The following TUSC3 variants were observed in gnomAD, a reference collection of about 807,000 sequenced individuals.
TUSC3 encodes the protein tumor suppressor candidate 3, also known as dolichyl-diphosphooligosaccharide--protein glycosyltransferase subunit TUSC3.
A neutral mutation model predicts 44.8 loss-of-function variants in TUSC3; 45 were observed. The ratio of observed to expected loss-of-function variants is 1.00; its 90% CI spans 0.79 to 1.29. TUSC3 has a LOEUF of 1.29. Ranked by LOEUF, TUSC3 falls within the 50% of genes most tolerant of loss-of-function variation. The probability of loss-of-function intolerance (pLI) is 0.00; values close to 1 mark genes in which losing one functional copy is unlikely to be tolerated. For missense variants in TUSC3, 519 were observed against 437.9 expected (o/e 1.19, Z -1.65); for synonymous variants, 212 against 152.9 (o/e 1.39, Z -2.85).
At chr8:15,718,080 C>T (rs1810133029) in intron 6 of TUSC3, among the ~76,000 whole-genome samples, 1 of 151,882 alleles carries the variant, frequency 6.6e-6, no homozygotes. Context: ...ACATAGATTG[C>T]CAAGGGTTTT....
chr8:15,613,109 G>A (rs1260555965), intron 1 of TUSC3, among the ~76,000 whole-genome samples: 1 of 149,234 alleles, frequency 6.7e-6, no homozygotes, highest in Admixed American at 6.7e-5. Flanking sequence ...ATGTGTTTGT[G>A]TGTGTGTACA....
the TUSC3 span, among the ~76,000 whole-genome samples, chr8:15,789,012 C>T: frequency 7.5e-4 from 114 of 152,328 alleles, no homozygotes; most frequent in East Asian, 0.014. Flanking sequence ...AATTCTTACC[C>T]TCAGGCTTAG....
intron 1 of TUSC3, among the ~76,000 whole-genome samples, chr8:15,615,499 GTTAT>G: frequency 6.6e-6 from 1 of 152,128 alleles, no homozygotes; most frequent in East Asian, 1.9e-4. Flanking sequence ...ATAGGAAGAG[GTTAT>G]TTAGCCACAA....
At chr8:15,705,576 C>G (rs951871534) in intron 6 of TUSC3, among the ~76,000 whole-genome samples, 10 of 152,050 alleles carry the variant, frequency 6.6e-5, no homozygotes, top group African/African-American at 1.9e-4. Context: ...TGATTCTTCA[C>G]AAAGCGCTGA....
intron 2 of TUSC3, among the ~76,000 whole-genome samples, chr8:15,516,378 AC>A (rs1801215754): frequency 6.6e-6 from 1 of 152,286 alleles, no homozygotes; most frequent in Non-Finnish European, 1.5e-5. Context: ...CTTCTTGCAG[AC>A]CACTTCTCAT....
At chr8:15,583,902 A>C (rs1803485597) in intron 1 of TUSC3, among the ~76,000 whole-genome samples, 2 of 152,190 alleles carry the variant, frequency 1.3e-5, no homozygotes, top group Non-Finnish European at 2.9e-5. Context: ...TTGGAAGGAA[A>C]AATCAGGAAA....
At chr8:15,845,778 G>A in the TUSC3 span, among the ~76,000 whole-genome samples, 2 of 152,144 alleles carry the variant, frequency 1.3e-5, no homozygotes, top group Non-Finnish European at 1.5e-5. Flanking sequence ...CTATAGCTAC[G>A]TGTATGTTCA....
At chr8:15,631,815 C>G (rs957557891) in intron 2 of TUSC3, among the ~76,000 whole-genome samples, 5 of 151,998 alleles carry the variant, frequency 3.3e-5, no homozygotes, top group African/African-American at 1.2e-4. Flanking sequence ...AAGCGATTCT[C>G]CTGCCTCAGC....
At chr8:15,536,581 C>T (rs1331096383), upstream of TUSC3, among the ~76,000 whole-genome samples, 1 of 148,524 alleles carries the variant, frequency 6.7e-6, no homozygotes, top group African/African-American at 2.5e-5. Flanking sequence ...ACTCGGGAGG[C>T]TGAGGCAGGA....
chr8:15,791,099 C>A, the TUSC3 span, among the ~76,000 whole-genome samples: 1 of 152,126 alleles, frequency 6.6e-6, no homozygotes, highest in African/African-American at 2.4e-5. Flanking sequence ...GAGATTTTAT[C>A]TTAGAAAAAA....
chr8:15,549,574 T>G lies in TUSC3; in HGVS notation c.138+9006T>G, dbSNP rs781434367. Among the ~76,000 whole-genome samples the G allele has an allele frequency of 1.3e-5, 2 of 151,752 alleles. 1 individual carries two copies. Among genetic ancestry groups the G allele is most frequent in the Non-Finnish European group, 2.9e-5 (2 of 67,896 alleles). On this transcript the variant is annotated intron_variant, in intron 1 of 10. Transcript: ENST00000503731. Reference sequence around the variant, plus strand: ...AATACAAAGAGTCATTTAACTTTTATTTTTAGAATATTATATTTTAATAAT... The same window carrying G: ...AATACAAAGAGTCATTTAACTTTTAGTTTTAGAATATTATATTTTAATAAT...
At chr8:15,554,804 A>G (rs1401207146) in intron 1 of TUSC3, among the ~76,000 whole-genome samples, 2 of 150,424 alleles carry the variant, frequency 1.3e-5, no homozygotes, top group Non-Finnish European at 3.0e-5. Flanking sequence ...ACGGGGTTTC[A>G]CCGTGTTAGC....
chr8:15,444,492 C>G (rs1800064932), intron 1 of TUSC3, among the ~76,000 whole-genome samples: 1 of 152,138 alleles, frequency 6.6e-6, no homozygotes, highest in Non-Finnish European at 1.5e-5. Context: ...TTGCTGTAGG[C>G]AGACCAGGGT....
At chr8:15,568,920 GT>G (rs1212397145) in intron 1 of TUSC3, among the ~76,000 whole-genome samples, 2 of 151,448 alleles carry the variant, frequency 1.3e-5, no homozygotes, top group African/African-American at 4.9e-5. Context: ...TAACCTCATG[GT>G]TTTCTGGCAA....
intron 6 of TUSC3, among the ~76,000 whole-genome samples, chr8:15,715,040 A>G (rs1418988397): frequency 1.3e-5 from 2 of 152,272 alleles, no homozygotes; most frequent in African/African-American, 2.4e-5. Flanking sequence ...TGATTAAACA[A>G]GTTACTTAAC....
chr8:15,779,534 CAACAT>C, the TUSC3 span, among the ~76,000 whole-genome samples: 1 of 152,070 alleles, frequency 6.6e-6, no homozygotes, highest in Non-Finnish European at 1.5e-5. Context: ...CTAATTAAGA[CAACAT>C]AATTTAAAAT....
intron 1 of TUSC3, among the ~76,000 whole-genome samples, chr8:15,432,603 A>C (rs1799885402): frequency 6.6e-6 from 1 of 152,174 alleles, no homozygotes; most frequent in African/African-American, 2.4e-5. Flanking sequence ...TGATAAAAGA[A>C]AGTGCTATAA....
At chr8:15,591,715 T>C (rs1214268348) in intron 1 of TUSC3, among the ~76,000 whole-genome samples, 3 of 152,168 alleles carry the variant, frequency 2.0e-5, no homozygotes, top group African/African-American at 7.2e-5. Flanking sequence ...GACACAAAAG[T>C]TCTGTGTAGG....
At chr8:15,423,589 G>A (rs1267628147) in intron 1 of TUSC3, among the ~76,000 whole-genome samples, 1 of 152,100 alleles carries the variant, frequency 6.6e-6, no homozygotes. Context: ...ATTCTTACTC[G>A]ATTTTTCTAG....
Sources: gnomAD v4.1 joint callset for allele counts (sites outside exome capture counted in the v4.1 genomes callset) on GRCh38, gnomAD v4.1.1 for gene constraint, MANE v1.5 for transcripts, NCBI Gene and HGNC (gene_info 2026-07-23, HGNC 2026-07-21) for gene names.